UNC79: variants seen among roughly 807,000 people sequenced by gnomAD.
The protein encoded by UNC79 is protein unc-79 homolog.
UNC79 carries 37 observed loss-of-function variants against 283.1 expected under a neutral mutation model. The ratio of observed to expected loss-of-function variants is 0.13; its 90% confidence interval spans 0.10 to 0.17. The LOEUF (loss-of-function observed/expected upper bound fraction) is 0.17. Among genes scored for constraint, UNC79 ranks in the 10% least tolerant of loss-of-function variants. UNC79 has a pLI of 1.00. For missense variants in UNC79, 2,272 were observed against 3,211.1 expected, an observed-to-expected ratio of 0.71 and a Z score of 7.07; for synonymous variants, 1,107 against 1,200.2, an observed-to-expected ratio of 0.92 and a Z score of 1.61.
intron 1 of UNC79, among the ~76,000 whole-genome samples, chr14:93,350,106 G>A (rs1036886901): frequency 3.9e-5 from 6 of 152,010 alleles, no homozygotes; most frequent in Non-Finnish European, 4.4e-5. Flanking sequence ...GAGTGGTTTC[G>A]TCTATAAAAT....
intron 47 of UNC79, among the ~76,000 whole-genome samples, chr14:93,695,961 A>G (rs1316346109): frequency 1.3e-5 from 2 of 149,522 alleles, no homozygotes; most frequent in African/African-American, 2.5e-5. Flanking sequence ...ATAATCCTTC[A>G]GTTGGGTTAC....
chr14:93,516,731 A>G (rs1461085895), intron 7 of UNC79, among the ~76,000 whole-genome samples: 1 of 152,104 alleles, frequency 6.6e-6, no homozygotes, highest in East Asian at 1.9e-4. Flanking sequence ...TACAGGTGTG[A>G]GCCATTGCAT....
At chr14:93,402,465 C>A (rs2055131025) in intron 1 of UNC79, among the ~76,000 whole-genome samples, 1 of 150,940 alleles carries the variant, frequency 6.6e-6, no homozygotes, top group African/African-American at 2.4e-5. Flanking sequence ...AACAAAAAAG[C>A]AGATATGAAC....
At chr14:93,563,034 G>GGGCTAGCGGCTTGTAACCTAC (rs1566655200) in intron 14 of UNC79, among the ~76,000 whole-genome samples, 1 of 152,128 alleles carries the variant, frequency 6.6e-6, no homozygotes, top group African/African-American at 2.4e-5. Context: ...TCTAAGAGAC[G>GGGCTAGCGGCTTGTAACCTAC]GGCTAGCGGC....
intron 1 of UNC79, among the ~76,000 whole-genome samples, chr14:93,377,134 T>A (rs1014798646): frequency 1.1e-4 from 16 of 148,936 alleles, no homozygotes; most frequent in Non-Finnish European, 1.5e-4. Flanking sequence ...AGTCTCGCTC[T>A]GTCACCCAGG....
At chr14:93,464,330 C>T (rs2057074256) in intron 1 of UNC79, among the ~76,000 whole-genome samples, 1 of 152,168 alleles carries the variant, frequency 6.6e-6, no homozygotes, top group Non-Finnish European at 1.5e-5. Flanking sequence ...TGAGGCCTCT[C>T]TCCTTGACTT....
At chr14:93,405,208 G>C (rs2055202184) in intron 1 of UNC79, among the ~76,000 whole-genome samples, 1 of 151,638 alleles carries the variant, frequency 6.6e-6, no homozygotes, top group South Asian at 2.1e-4. Flanking sequence ...GCTTGAACCT[G>C]GGAGGCGGAG....
At chr14:93,575,828 G>A (rs1424638005) in intron 17 of UNC79, among the ~76,000 whole-genome samples, 1 of 152,080 alleles carries the variant, frequency 6.6e-6, no homozygotes, top group Non-Finnish European at 1.5e-5. Context: ...ACTCTTATTG[G>A]ATGGTTGGCA....
chr14:93,617,094 TCA>T lies in UNC79; in HGVS notation c.4042-27_4042-26del. The T allele has an allele frequency of 2.5e-6, 4 of 1,576,910 alleles. No homozygotes were observed. Among genetic ancestry groups the T allele is most frequent in the Non-Finnish European group, 3.5e-6 (4 of 1,156,746 alleles). ...TCTGAGTGTTCTTTGTAGTTTTCCA[TCA>T]GTTATTAATATTTTTTCTATTTCAG... is the stretch of plus-strand genomic sequence containing the variant. On this transcript the variant is annotated intron_variant, in intron 27 of 48. Transcript: ENST00000555664. This position sits in a 1 kb window ranked among gnomAD's most constrained non-coding sequence, Gnocchi z 4.5.
Position 93,675,252 on chromosome 14 carries a change from A to G in UNC79, c.6741+1797A>G, listed in dbSNP as rs1204100626. On this transcript the variant is annotated intron_variant, in intron 41 of 48. Coordinates refer to ENST00000555664, the Ensembl canonical transcript of UNC79. ...GGCATATCCTGATAATGTGCCAATTACTCTCCTGAAAGTCTAGACAGTGTA... is the reference window on the plus strand; with the variant it reads ...GGCATATCCTGATAATGTGCCAATTGCTCTCCTGAAAGTCTAGACAGTGTA... 2.6e-5 allele frequency among the ~76,000 whole-genome samples: 4 copies of G among 152,186 alleles called. No individual in the cohort carries two copies. In the East Asian group the frequency reaches 7.7e-4, roughly 29 times the overall value.
At chr14:93,590,934 G>A (rs1263508241) in intron 22 of UNC79, among the ~76,000 whole-genome samples, 4 of 152,156 alleles carry the variant, frequency 2.6e-5, no homozygotes. Context: ...CATCGTCCTT[G>A]TAATCATGAT....
chr14:93,619,927 G>T (rs559716577), intron 29 of UNC79, among the ~76,000 whole-genome samples: 3 of 152,314 alleles, frequency 2.0e-5, no homozygotes, highest in East Asian at 1.9e-4. Flanking sequence ...TTGCCACTTT[G>T]TACGTGGCTT....
At chr14:93,523,912 T>C (rs2060434117) in intron 7 of UNC79, 66 bp from the exon 8 acceptor site, 7 of 1,514,380 alleles carry the variant, frequency 4.6e-6, no homozygotes, top group Non-Finnish European at 6.4e-6. Context: ...TAGTAAAATA[T>C]CTGTTTTTAC....
intron 1 of UNC79, among the ~76,000 whole-genome samples, chr14:93,377,657 G>A (rs995512319): frequency 3.9e-5 from 6 of 152,122 alleles, no homozygotes; most frequent in Non-Finnish European, 8.8e-5. Context: ...ATCCTATAAC[G>A]GAACTGCTTA....
intron 26 of UNC79, among the ~76,000 whole-genome samples, chr14:93,605,308 A>G (rs1173147916): frequency 6.6e-6 from 1 of 152,180 alleles, no homozygotes; most frequent in Non-Finnish European, 1.5e-5. Flanking sequence ...CATATCTGCT[A>G]TAGGAAAACC....
At chr14:93,596,666 A>T (rs1473091111) in intron 23 of UNC79, among the ~76,000 whole-genome samples, 1 of 152,040 alleles carries the variant, frequency 6.6e-6, no homozygotes, top group Non-Finnish European at 1.5e-5. Context: ...CAAACAAAAG[A>T]ATATTCTAGG....
At chr14:93,656,974 A>G (rs577977574) in intron 38 of UNC79, among the ~76,000 whole-genome samples, 19 of 152,256 alleles carry the variant, frequency 1.2e-4, no homozygotes, top group Non-Finnish European at 2.8e-4. Flanking sequence ...TCAACAACCT[A>G]TGCTAATACA....
intron 22 of UNC79, among the ~76,000 whole-genome samples, chr14:93,591,663 G>A (rs1246236039): frequency 1.3e-5 from 2 of 152,240 alleles, no homozygotes; most frequent in Non-Finnish European, 2.9e-5. Flanking sequence ...TATGGTACAT[G>A]TCAAGCAATT....
intron 14 of UNC79, among the ~76,000 whole-genome samples, chr14:93,564,350 AGTT>A (rs1289632102): frequency 2.0e-5 from 3 of 152,112 alleles, no homozygotes; most frequent in Admixed American, 1.3e-4. Flanking sequence ...GAAGGAAAGG[AGTT>A]GTTGTTTTGT....
Sources: allele counts gnomAD v4.1 joint callset (sites outside exome capture counted in the v4.1 genomes callset), GRCh38; gene constraint gnomAD v4.1.1; non-coding constraint Gnocchi (gnomAD v3.1); transcripts MANE v1.5; gene names NCBI Gene and HGNC (gene_info 2026-07-23, HGNC 2026-07-21).